YIPF7: variants seen among roughly 807,000 people sequenced by gnomAD.
YIPF7 encodes Yip1 domain family member 7, also known as protein YIPF7.
YIPF7 carries 35 observed loss-of-function variants against 27.2 expected under a neutral mutation model. The observed-to-expected ratio is 1.29, with a 90% CI of 0.98 to 1.70. The LOEUF (loss-of-function observed/expected upper bound fraction) is 1.70. Among genes scored for constraint, YIPF7 ranks in the 40% most tolerant of loss-of-function variants. The probability of loss-of-function intolerance (pLI) is 0.00; values close to 1 mark genes in which losing one functional copy is unlikely to be tolerated. For missense variants in YIPF7, 358 were observed against 303.7 expected, an observed-to-expected ratio of 1.18 and a Z score of -1.33; for synonymous variants, 137 against 110.4, an observed-to-expected ratio of 1.24 and a Z score of -1.51.
rs762750769 is a variant in YIPF7, at chr4:44,629,528, G to A, written c.301C>T (p.His101Tyr). 5.2e-6 allele frequency: 8 copies of A among 1,540,436 alleles called. No individual in the cohort carries two copies. Among genetic ancestry groups the A allele is most frequent in the Non-Finnish European group, 6.1e-6 (7 of 1,143,896 alleles). ...ACTGTCAAAGTTTTTTGCCATATGT[G>A]ATCAAAATGGATTCCAAGTTCTGTA... ...LLEELGIHFD[H>Y]IWQKTLTVLN... Residue 101 changes from histidine to tyrosine, a missense_variant, in exon 4 of 6, where the codon CAC (histidine) becomes TAC (tyrosine). His to Tyr is a moderately conservative substitution (Grantham distance 83). Transcript: ENST00000415895.
chr4:44,643,521 C>T (rs551446666), intron 2 of YIPF7, among the ~76,000 whole-genome samples: 3 of 152,072 alleles, frequency 2.0e-5, no homozygotes, highest in African/African-American at 7.2e-5. Flanking sequence ...AAGCAGGCTA[C>T]AAACAATTGC....
At chr4:44,640,369 T>C (rs1024009183) in intron 2 of YIPF7, among the ~76,000 whole-genome samples, 1 of 152,220 alleles carries the variant, frequency 6.6e-6, no homozygotes, top group Non-Finnish European at 1.5e-5. Context: ...TTGTCACTTA[T>C]CATTGGTTGA....
chr4:44,624,793 G>A lies in YIPF7; in HGVS notation c.427-11C>T, dbSNP rs777309760. On this transcript the variant is annotated splice_polypyrimidine_tract_variant and intron_variant, in intron 4 of 5. Transcript: ENST00000415895. Reference sequence around the variant, plus strand: ...CTGAACTTTTCCTGCCTGAAACGACGTGAAGAAAAAACAGTTTGAACACAC... The same window carrying A: ...CTGAACTTTTCCTGCCTGAAACGACATGAAGAAAAAACAGTTTGAACACAC... The A allele has an allele frequency of 1.5e-5, 24 of 1,597,460 alleles. No individual in the cohort carries two copies. Among genetic ancestry groups the A allele is most frequent in the Non-Finnish European group, 1.9e-5 (22 of 1,173,244 alleles).
chr4:44,648,295 A>C (rs1387975463), intron 2 of YIPF7, among the ~76,000 whole-genome samples: 1 of 152,064 alleles, frequency 6.6e-6, no homozygotes, highest in African/African-American at 2.4e-5. Flanking sequence ...AGCATCCTTA[A>C]TCTGAAAACT....
chr4:44,643,228 T>G (rs952177752), intron 2 of YIPF7, among the ~76,000 whole-genome samples: 2 of 152,126 alleles, frequency 1.3e-5, no homozygotes, highest in Non-Finnish European at 2.9e-5. Context: ...TTTCTATGCT[T>G]TAGCAAAGAG....
intron 3 of YIPF7, among the ~76,000 whole-genome samples, chr4:44,631,195 T>C (rs116500848): frequency 2.8e-3 from 422 of 152,288 alleles, no homozygotes; most frequent in African/African-American, 9.5e-3. Flanking sequence ...AGAAAGCACA[T>C]GTTTAACCAT....
chr4:44,660,850 G>A (rs1390556003), intron 1 of YIPF7, among the ~76,000 whole-genome samples: 1 of 152,152 alleles, frequency 6.6e-6, no homozygotes, highest in African/African-American at 2.4e-5. Flanking sequence ...TGAAAAATAT[G>A]TTTTTGTAGG....
chr4:44,632,717 T>A lies in YIPF7; in HGVS notation c.281-3169A>T, dbSNP rs200217618. On this transcript the variant is annotated intron_variant, in intron 3 of 5. Coordinates refer to ENST00000415895, the MANE Select transcript of YIPF7 (RefSeq NM_182592.3). The stretch of plus-strand genomic sequence containing the variant: ...GTTATCCTAGAAATTGTATTTTTTT[T>A]ATATCTGAAAAAGACATACCCTGGC... Among the ~76,000 whole-genome samples, 31 of 152,356 alleles carry A rather than the reference T, an allele frequency of 2.0e-4. No individual in the cohort carries two copies. The East Asian group carries it at 2.9e-3, about 14-fold the overall frequency.
intron 4 of YIPF7, 34 bp downstream of exon 4, chr4:44,629,369 G>A (rs761888913): frequency 8.0e-5 from 124 of 1,552,846 alleles, no homozygotes; most frequent in Non-Finnish European, 9.8e-5. Context: ...GAAAGGACAA[G>A]CATTAAAATC....
chr4:44,655,749 C>T (rs1713882131), upstream of YIPF7, among the ~76,000 whole-genome samples: 1 of 151,890 alleles, frequency 6.6e-6, no homozygotes, highest in African/African-American at 2.4e-5. Flanking sequence ...TCTTTAAATG[C>T]TCTTTTTGTT....
At chr4:44,628,043 A>G (rs947706150) in intron 4 of YIPF7, among the ~76,000 whole-genome samples, 4 of 152,194 alleles carry the variant, frequency 2.6e-5, no homozygotes, top group African/African-American at 9.6e-5. Context: ...ACTTGTAAAG[A>G]AAGATGAGTT....
chr4:44,624,207 G>A (rs1271709483), intron 5 of YIPF7, among the ~76,000 whole-genome samples: 1 of 151,854 alleles, frequency 6.6e-6, no homozygotes, highest in African/African-American at 2.4e-5. Context: ...TGGGATTACA[G>A]GCCTGCGCCA....
intron 2 of YIPF7, among the ~76,000 whole-genome samples, chr4:44,638,209 ATTTTT>A (rs34946710): frequency 3.2e-4 from 40 of 124,844 alleles, no homozygotes; most frequent in South Asian, 5.3e-4. Context: ...GAGTTTCAGG[ATTTTT>A]TTTTTTTTTT....
intron 2 of YIPF7, among the ~76,000 whole-genome samples, chr4:44,641,136 C>T (rs964040502): frequency 2.0e-5 from 3 of 152,132 alleles, no homozygotes; most frequent in South Asian, 2.1e-4. Context: ...CTCTCCTGTA[C>T]TGGAGAGTCA....
At chr4:44,642,894 T>C (rs1424699912) in intron 2 of YIPF7, among the ~76,000 whole-genome samples, 1 of 152,154 alleles carries the variant, frequency 6.6e-6, no homozygotes, top group Admixed American at 6.5e-5. Flanking sequence ...AAACCTCTTT[T>C]CTTTATAAAT....
intron 3 of YIPF7, among the ~76,000 whole-genome samples, chr4:44,630,953 C>T (rs1250044658): frequency 6.6e-6 from 1 of 152,124 alleles, no homozygotes; most frequent in East Asian, 1.9e-4. Context: ...TTCAGAATAT[C>T]AGTAAGGGTG....
chr4:44,656,021 C>T (rs191880246), upstream of YIPF7, among the ~76,000 whole-genome samples: 2 of 151,378 alleles, frequency 1.3e-5, no homozygotes, highest in Admixed American at 1.3e-4. Context: ...TGAATTTCCA[C>T]TTTTTTTTTC....
intron 2 of YIPF7, among the ~76,000 whole-genome samples, chr4:44,657,163 T>C (rs1258373671): frequency 6.6e-6 from 1 of 152,184 alleles, no homozygotes; most frequent in East Asian, 1.9e-4. Flanking sequence ...TGACCAGATA[T>C]AGTATGTTTT....
Position 44,622,470 on chromosome 4 carries a change from CAAG to C in YIPF7, c.712_714del (p.Leu238del). 1.2e-6 allele frequency: 2 copies of C among 1,613,842 alleles called. No individual in the cohort carries two copies. Among genetic ancestry groups the C allele is most frequent in the Non-Finnish European group, 1.7e-6 (2 of 1,179,826 alleles). On this transcript the variant is annotated inframe_deletion, in exon 6 of 6. Transcript: ENST00000415895. ...TAAAGTATGGCACAAGGGTAGGCAA[CAAG>C]AAGCTGCTGTCCTTCCATGTGCAAG...
Sources: allele counts gnomAD v4.1 joint callset (sites outside exome capture counted in the v4.1 genomes callset), GRCh38; gene constraint gnomAD v4.1.1; transcripts MANE v1.5; gene names NCBI Gene and HGNC (gene_info 2026-07-23, HGNC 2026-07-21).